Variants in KDM5B observed in about 807,000 individuals in gnomAD.
KDM5B encodes lysine-specific demethylase 5B.
Under a neutral mutation model 193.4 loss-of-function variants are expected in KDM5B, and 144 were observed. The ratio of observed to expected loss-of-function variants is 0.74; its 90% CI spans 0.65 to 0.86. KDM5B has a LOEUF of 0.86. Among genes scored for constraint, KDM5B ranks in the 40% least tolerant of loss-of-function variants. KDM5B has a pLI of 0.00. For missense variants in KDM5B, 1,833 were observed against 1,886.9 expected (o/e 0.97, Z 0.53); for synonymous variants, 668 against 682.6 (o/e 0.98, Z 0.33).
At chr1:202,767,776 G>C (rs2102285352) in intron 4 of KDM5B, among the ~76,000 whole-genome samples, 1 of 152,166 alleles carries the variant, frequency 6.6e-6, no homozygotes, top group South Asian at 2.1e-4. Context: ...GGCCATAACA[G>C]TCTCAAGGCA....
intron 14 of KDM5B, among the ~76,000 whole-genome samples, chr1:202,747,086 A>C (rs1655588928): frequency 6.6e-6 from 1 of 152,168 alleles, no homozygotes; most frequent in Non-Finnish European, 1.5e-5. Context: ...TGAGAATGCC[A>C]GTCGTTTATG....
chr1:202,763,872 A>G (rs1656344020), intron 6 of KDM5B, among the ~76,000 whole-genome samples, 177 bp downstream of exon 6: 1 of 152,222 alleles, frequency 6.6e-6, no homozygotes, highest in Admixed American at 6.5e-5. Flanking sequence ...GAGAACAAGG[A>G]CACTGTTGAT....
chr1:202,777,822 T>C (rs1039509010), intron 1 of KDM5B, among the ~76,000 whole-genome samples: 4 of 152,046 alleles, frequency 2.6e-5, no homozygotes, highest in African/African-American at 9.7e-5. Context: ...CTTATTAAAT[T>C]GAGGGTAAAT....
At chr1:202,801,334 T>C (rs1486115185) in intron 1 of KDM5B, among the ~76,000 whole-genome samples, 1 of 151,930 alleles carries the variant, frequency 6.6e-6, no homozygotes, top group African/African-American at 2.4e-5. Flanking sequence ...TATATGCTGA[T>C]GGTGCTTTAA....
Position 202,750,793 on chromosome 1 carries a change from A to T in KDM5B, c.1702-15T>A. 6.2e-7 allele frequency: 1 copy of T among 1,610,332 alleles called. No homozygotes were observed. The highest frequency in any genetic ancestry group is 8.5e-7 in the Non-Finnish European group (1 of 1,178,138). ...GTTCGGTAAACCTAAAGAGACAGAA[A>T]TTGAAGATTTTTGAGTTTCTTAAAG... is the stretch of plus-strand genomic sequence containing the variant. On this transcript the variant is annotated splice_polypyrimidine_tract_variant and intron_variant, in intron 12 of 26. Coordinates refer to ENST00000367265, the MANE Select transcript of KDM5B (RefSeq NM_006618.5).
Position 202,748,989 on chromosome 1 carries a change from T to C in KDM5B, c.1972A>G (p.Met658Val), listed in dbSNP as rs1426491021. The C allele has an allele frequency of 1.2e-6, 2 of 1,613,574 alleles. No homozygotes were observed. The highest frequency in any genetic ancestry group is 1.3e-5 in the African/African-American group (1 of 74,920). Residue 658 changes from methionine (M) to valine (V), a missense_variant, in exon 14 of 27, where the codon ATG becomes GTG. Met to Val is a conservative substitution (Grantham distance 21). Coordinates refer to ENST00000367265, the MANE Select transcript of KDM5B (RefSeq NM_006618.5). ...ASTVQKDMAI[M>V]IEDEKALRET... ...CTTAAAGCTTTCTCATCCTCAATCA[T>C]AATGGCCATGTCTTTCTGAACAGTT...
At chr1:202,730,527 G>T (rs1490287458) in intron 25 of KDM5B, among the ~76,000 whole-genome samples, 1 of 152,082 alleles carries the variant, frequency 6.6e-6, no homozygotes, top group Non-Finnish European at 1.5e-5. Flanking sequence ...CATACTACTT[G>T]GTATGGCAAA....
intron 20 of KDM5B, among the ~76,000 whole-genome samples, chr1:202,738,584 G>T (rs1360744578): frequency 6.6e-6 from 1 of 152,142 alleles, no homozygotes; most frequent in Non-Finnish European, 1.5e-5. Context: ...GGTATTTCTT[G>T]TTAGCAATTA....
rs1654691577 is a variant in KDM5B, at chr1:202,726,881, G to A, written c.*2155C>T. On this transcript the variant is annotated 3_prime_UTR_variant, in exon 27 of 27. Transcript: ENST00000367265. ...AAAACCCAGGCTTTGTTATTTACTA[G>A]TAGTACAGTGTAGCTTTGGGCAACT... 1 of 152,236 alleles carries A rather than the reference G, an allele frequency of 6.6e-6. No homozygotes were observed. Among genetic ancestry groups the A allele is most frequent in the African/African-American group, 2.4e-5 (1 of 41,466 alleles). 9.4% of individuals were successfully genotyped at this position (152,236 alleles called of 1,614,324 possible). A position where few individuals can be genotyped will look rare whatever the true frequency, so the allele number is the denominator to read the frequency against.
At chr1:202,745,303 G>A (rs1488984669) in intron 16 of KDM5B, among the ~76,000 whole-genome samples, 2 of 152,104 alleles carry the variant, frequency 1.3e-5, no homozygotes, top group Non-Finnish European at 2.9e-5. Flanking sequence ...TAACAAGCTT[G>A]CACATATACC....
intron 23 of KDM5B, 124 bp from the exon 24 acceptor site, chr1:202,732,063 T>A: frequency 1.6e-6 from 1 of 638,764 alleles, no homozygotes; most frequent in South Asian, 1.9e-5. Flanking sequence ...AAAAACAACT[T>A]GATTTTCCCC....
Position 202,728,783 on chromosome 1 carries a change from A to C in KDM5B, c.*253T>G. The C allele has an allele frequency of 2.6e-6, 1 of 387,020 alleles. No individual in the cohort carries two copies. The highest frequency in any genetic ancestry group is 3.8e-5 in the South Asian group (1 of 26,018). 24.0% of individuals were successfully genotyped at this position (387,020 alleles called of 1,614,324 possible). A position where few individuals can be genotyped will look rare whatever the true frequency, so the allele number is the denominator to read the frequency against. On this transcript the variant is annotated 3_prime_UTR_variant, in exon 27 of 27. Transcript: ENST00000367265. ...AATTGGTGGGAACCCCTGCAAAAAA[A>C]ACAGTCAGCTTTTCAAACCTCAACA...
At position 202,740,955 on chromosome 1, in the gene KDM5B, T is replaced by A. The variant is rs1055570841; in HGVS notation, c.2946-143A>T. 5 of 769,978 alleles carry A rather than the reference T, an allele frequency of 6.5e-6. No individual in the cohort carries two copies. The African/African-American group carries it at 8.8e-5, about 14-fold the overall frequency. The allele number at this position is 769,978 out of a possible 1,614,324, so 47.7% of individuals were successfully genotyped here. On this transcript the variant is annotated intron_variant, in intron 19 of 26. Coordinates refer to ENST00000367265, the MANE Select transcript of KDM5B (RefSeq NM_006618.5). ...TGACATTGTCTATTCCTGTTGAAAA[T>A]TATCTGCACTGTTTTCTTGCAGAAC...
At chr1:202,789,807 T>A (rs1421724125) in intron 1 of KDM5B, among the ~76,000 whole-genome samples, 1 of 151,850 alleles carries the variant, frequency 6.6e-6, no homozygotes. Context: ...AGATACCATC[T>A]CTACAAAATG....
chr1:202,731,992 C>A, intron 23 of KDM5B, 53 bp from the exon 24 acceptor site: 1 of 1,197,272 alleles, frequency 8.4e-7, no homozygotes, highest in Non-Finnish European at 1.2e-6. Flanking sequence ...TAAAAATACT[C>A]CCATTAGTCC....
chr1:202,785,140 G>GA (rs1657354046), intron 1 of KDM5B, among the ~76,000 whole-genome samples: 1 of 152,086 alleles, frequency 6.6e-6, no homozygotes, highest in African/African-American at 2.4e-5. Context: ...TCTGACCACT[G>GA]AAATATGAAT....
chr1:202,789,269 C>T (rs1038235875), intron 1 of KDM5B, among the ~76,000 whole-genome samples: 5 of 152,050 alleles, frequency 3.3e-5, no homozygotes, highest in African/African-American at 1.2e-4. Context: ...GTCTGTAAGC[C>T]CAGCACTTTG....
chr1:202,735,386 C>T (rs779198159), intron 22 of KDM5B, 43 bp downstream of exon 22: 16 of 1,568,954 alleles, frequency 1.0e-5, no homozygotes, highest in Non-Finnish European at 1.4e-5. Context: ...AGAAATTATT[C>T]TTCCCAATAA....
At chr1:202,732,101 A>C in intron 23 of KDM5B, 162 bp from the exon 24 acceptor site, 2 of 575,858 alleles carry the variant, frequency 3.5e-6, no homozygotes, top group Non-Finnish European at 6.0e-6. Context: ...GCATTTCAGA[A>C]CTGGCCAAAT....
Sources: gnomAD v4.1 joint callset for allele counts (sites outside exome capture counted in the v4.1 genomes callset) on GRCh38, gnomAD v4.1.1 for gene constraint, MANE v1.5 for transcripts, NCBI Gene and HGNC (gene_info 2026-07-23, HGNC 2026-07-21) for gene names.